Variants in NLGN4X observed in about 807,000 individuals in gnomAD.
NLGN4X encodes the protein neuroligin-4, X-linked.
Under a neutral mutation model 40.3 loss-of-function variants are expected in NLGN4X, and 3 were observed. That is an observed-to-expected ratio of 0.07 (90% CI 0.03 to 0.19). NLGN4X has a LOEUF of 0.19. Among genes scored for constraint, NLGN4X ranks in the 10% least tolerant of loss-of-function variants. NLGN4X has a pLI of 1.00. For synonymous variants in NLGN4X, 270 were observed against 306.8 expected (o/e 0.88, Z 1.25); for missense variants, 382 against 708.3 (o/e 0.54, Z 5.23).
Position 6,207,914 on chromosome X carries a change from G to C in NLGN4X, c.-306+20627C>G, listed in dbSNP as rs189349944. Among the ~76,000 whole-genome samples, 4 of 111,854 alleles carry C rather than the reference G, an allele frequency of 3.6e-5. No homozygotes were observed. In the East Asian group the frequency reaches 1.1e-3, roughly 31 times the overall value. ...CTTTGGGGTTGGCGACATTAATTCT[G>C]AATCTCTGCGGTTAATAATACATCT... On this transcript the variant is annotated intron_variant, in intron 1 of 5. Transcript: ENST00000381095.
At chrX:6,213,514 G>A (rs1005051965) in intron 1 of NLGN4X, among the ~76,000 whole-genome samples, 4 of 112,110 alleles carry the variant, frequency 3.6e-5, no homozygotes, top group African/African-American at 6.5e-5. Context: ...TTCCTTAAGT[G>A]TAACAGATGG....
chrX:5,991,672 G>T, intron 3 of NLGN4X: 1 of 367,683 alleles, frequency 2.7e-6, no homozygotes. Flanking sequence ...AAACAAGTGT[G>T]AATGATGCCA....
At chrX:5,925,939 C>T (rs755167333) in intron 3 of NLGN4X, among the ~76,000 whole-genome samples, 124 of 56,728 alleles carry the variant, frequency 2.2e-3, no homozygotes, top group African/African-American at 7.4e-3. Flanking sequence ...TATAAACCTG[C>T]GAAGCTTTTC....
chrX:6,208,630 C>G (rs756108450), intron 1 of NLGN4X, among the ~76,000 whole-genome samples: 1 of 111,946 alleles, frequency 8.9e-6, no homozygotes, highest in African/African-American at 3.2e-5. Context: ...AATAAGTACA[C>G]CTCATTTCAT....
intron 3 of NLGN4X, among the ~76,000 whole-genome samples, chrX:5,989,919 A>C (rs1172266052): frequency 9.0e-6 from 1 of 111,717 alleles, no homozygotes; most frequent in Non-Finnish European, 1.9e-5. Context: ...AATAAAATAC[A>C]ACTGTAACAA....
At chrX:6,177,234 T>C (rs755865433) in intron 1 of NLGN4X, among the ~76,000 whole-genome samples, 2 of 112,007 alleles carry the variant, frequency 1.8e-5, no homozygotes, top group South Asian at 3.8e-4. Flanking sequence ...TCTTGACTCA[T>C]TGCAACCTCT....
chrX:6,171,885 T>C (rs1484445975), intron 1 of NLGN4X, among the ~76,000 whole-genome samples: 1 of 111,320 alleles, frequency 9.0e-6, no homozygotes, highest in African/African-American at 3.3e-5. Flanking sequence ...TTCTCTTGAA[T>C]GGTACTGTAC....
At chrX:6,067,175 T>C (rs761809146) in intron 2 of NLGN4X, among the ~76,000 whole-genome samples, 188 of 110,122 alleles carry the variant, frequency 1.7e-3, no homozygotes, top group African/African-American at 5.9e-3. Flanking sequence ...AAGCATAATC[T>C]CTAACTAATG....
chrX:5,898,929 G>A (rs763027139), intron 5 of NLGN4X, among the ~76,000 whole-genome samples: 4 of 111,646 alleles, frequency 3.6e-5, no homozygotes, highest in South Asian at 7.6e-4. Flanking sequence ...TGGAGTGATC[G>A]GGCCACCACC....
chrX:5,949,176 T>C (rs2034225325), intron 3 of NLGN4X, among the ~76,000 whole-genome samples: 1 of 111,964 alleles, frequency 8.9e-6, no homozygotes, highest in Non-Finnish European at 1.9e-5. Flanking sequence ...CAGCACAAGA[T>C]GCAAAGACAA....
rs771217116 is a variant in NLGN4X, at chrX:5,893,394, G to A, written c.1874C>T (p.Thr625Ile). ...PPDMTSFPYG[T>I]RRSPAKIWPT... ...CCATATCTTGGCGGGAGATCGCCGG[G>A]TGCCATAGGGAAATGATGTCATGTC... The change falls in exon 6 of 6, where the codon ACC becomes ATC. Residue 625 changes from threonine to isoleucine, a missense_variant. Coordinates refer to ENST00000381095, the MANE Select transcript of NLGN4X (RefSeq NM_181332.3). 4 of 1,207,894 alleles carry A rather than the reference G, an allele frequency of 3.3e-6. No homozygotes were observed. The Admixed American group carries it at 8.8e-5, about 26-fold the overall frequency.
intron 3 of NLGN4X, among the ~76,000 whole-genome samples, chrX:5,922,788 G>T (rs2033121582): frequency 9.0e-6 from 1 of 110,719 alleles, no homozygotes; most frequent in Non-Finnish European, 1.9e-5. Context: ...GCTTGAACCT[G>T]GGAGGAGGAG....
At chrX:6,108,616 C>T (rs1237787301) in intron 2 of NLGN4X, among the ~76,000 whole-genome samples, 1 of 111,015 alleles carries the variant, frequency 9.0e-6, no homozygotes, top group Non-Finnish European at 1.9e-5. Context: ...CCCAGGAGGT[C>T]GAGGCTGCAG....
intron 3 of NLGN4X, among the ~76,000 whole-genome samples, chrX:5,996,799 A>G (rs1195706239): frequency 9.1e-6 from 1 of 110,258 alleles, no homozygotes; most frequent in African/African-American, 3.3e-5. Context: ...GGGTTTCACC[A>G]TGTTGGCCAG....
At chrX:5,951,268 C>A (rs1390489900) in intron 3 of NLGN4X, among the ~76,000 whole-genome samples, 1 of 111,832 alleles carries the variant, frequency 8.9e-6, no homozygotes, top group Non-Finnish European at 1.9e-5. Flanking sequence ...TCTGTCTTTT[C>A]TTTTTCTACT....
intron 4 of NLGN4X, among the ~76,000 whole-genome samples, chrX:5,904,526 C>T (rs2032075672): frequency 8.9e-6 from 1 of 111,844 alleles, no homozygotes; most frequent in Non-Finnish European, 1.9e-5. Flanking sequence ...AAAACTACAT[C>T]CATTGGAAAC....
chrX:6,131,128 C>T (rs993746400), intron 2 of NLGN4X, among the ~76,000 whole-genome samples: 3 of 110,350 alleles, frequency 2.7e-5, no homozygotes, highest in African/African-American at 3.3e-5. Flanking sequence ...AGAATACCAC[C>T]GATAAATAAT....
chrX:5,973,655 T>C (rs911995823), intron 3 of NLGN4X, among the ~76,000 whole-genome samples: 1 of 110,746 alleles, frequency 9.0e-6, no homozygotes, highest in African/African-American at 3.3e-5. Flanking sequence ...ACCCCGTCTC[T>C]ACTAAAAATA....
chrX:6,143,657 C>T (rs2147671112), intron 2 of NLGN4X, among the ~76,000 whole-genome samples: 1 of 111,764 alleles, frequency 8.9e-6, no homozygotes, highest in East Asian at 2.8e-4. Flanking sequence ...GGACAATTGG[C>T]CATGAGGCTA....
Sources: gnomAD v4.1 joint callset for allele counts (sites outside exome capture counted in the v4.1 genomes callset) on GRCh38, gnomAD v4.1.1 for gene constraint, MANE v1.5 for transcripts, NCBI Gene and HGNC (gene_info 2026-07-23, HGNC 2026-07-21) for gene names.